BPI: variants seen among roughly 807,000 people sequenced by gnomAD.
The protein encoded by BPI is bactericidal permeability increasing protein, also known as bactericidal permeability-increasing protein.
Under a neutral mutation model 57.6 loss-of-function variants are expected in BPI, and 48 were observed. The observed-to-expected ratio is 0.83, with a 90% CI of 0.66 to 1.06. The LOEUF is 1.06. Ranked by LOEUF, BPI falls within the 50% of genes least tolerant of loss-of-function variation. The probability of loss-of-function intolerance (pLI) is 0.00; values close to 1 mark genes in which losing one functional copy is unlikely to be tolerated. For synonymous variants in BPI, 237 were observed against 238.2 expected, an observed-to-expected ratio of 0.99 and a Z score of 0.05; for missense variants, 651 against 609.7, an observed-to-expected ratio of 1.07 and a Z score of -0.71.
At chr20:38,318,252 C>T (rs1304490779) in intron 5 of BPI, among the ~76,000 whole-genome samples, 161 bp from the exon 6 acceptor site, 1 of 152,160 alleles carries the variant, frequency 6.6e-6, no homozygotes, top group East Asian at 1.9e-4. Flanking sequence ...ACATGTTCAA[C>T]TCTGAGCTTC....
intron 5 of BPI, among the ~76,000 whole-genome samples, chr20:38,315,835 C>CTTTTTT (rs374398594): frequency 1.5e-5 from 2 of 132,248 alleles, no homozygotes; most frequent in African/African-American, 5.6e-5. Context: ...CTTTTCTTTT[C>CTTTTTT]TTTTTTTTTT....
chr20:38,323,525 T>C (rs988109172), intron 7 of BPI, among the ~76,000 whole-genome samples: 2 of 152,160 alleles, frequency 1.3e-5, no homozygotes, highest in Non-Finnish European at 2.9e-5. Context: ...GTTGAGACAA[T>C]GGAGTGGTTA....
At chr20:38,325,093 A>T (rs5743521) in intron 9 of BPI, among the ~76,000 whole-genome samples, 6,139 of 152,282 alleles carry the variant, frequency 0.04, 372 homozygotes, top group African/African-American at 0.14. Context: ...AATGCCCACC[A>T]TGTGCCTGGG....
At position 38,335,600 on chromosome 20, in the gene BPI, A is replaced by G. The variant is rs5743542; in HGVS notation, c.1339A>G (p.Lys447Glu). 3.2e-4 allele frequency: 518 copies of G among 1,613,944 alleles called. No individual in the cohort carries two copies. The African/African-American group carries it at 5.9e-3, about 18-fold the overall frequency. The change falls in exon 14 of 15, where the codon AAA (lysine) becomes GAA (glutamate). Residue 447 changes from lysine (K) to glutamate (E), a missense_variant and splice_region_variant. Transcript: ENST00000642449. Reference protein sequence around the residue: ...PILVLPRVNEKLQKGFPLPTP... With the variant: ...PILVLPRVNEELQKGFPLPTP... The stretch of plus-strand genomic sequence containing the variant: ...CTCACCATCGGTCTCTGTCACAGAG[A>G]AACTACAGAAAGGCTTCCCTCTCCC...
At chr20:38,318,067 C>A in intron 5 of BPI, 1 of 979,832 alleles carries the variant, frequency 1.0e-6, no homozygotes, top group Non-Finnish European at 1.2e-6. Flanking sequence ...CACAAAGGAT[C>A]TGAGACAGCA....
intron 12 of BPI, 59 bp from the exon 13 acceptor site, chr20:38,334,371 T>C: frequency 1.3e-6 from 2 of 1,513,192 alleles, no homozygotes; most frequent in South Asian, 2.2e-5. Context: ...TGAGGACTGC[T>C]GGACCCGCAA....
chr20:38,322,127 G>A lies in BPI; in HGVS notation c.757-1743G>A, dbSNP rs528203193. On this transcript the variant is annotated intron_variant, in intron 7 of 14. Coordinates refer to ENST00000642449, the MANE Select transcript of BPI (RefSeq NM_001725.3). Reference sequence around the variant, plus strand: ...TTTACTGGCTGCTTGGATTTTCAGCGGACAGCTTGTGGTAATGTACGAGGA... The same window carrying A: ...TTTACTGGCTGCTTGGATTTTCAGCAGACAGCTTGTGGTAATGTACGAGGA... Among the ~76,000 whole-genome samples the A allele has an allele frequency of 6.6e-4, 101 of 152,272 alleles. 1 individual carries two copies. The highest frequency in any genetic ancestry group is 6.3e-3 in the Admixed American group (96 of 15,298).
intron 14 of BPI, among the ~76,000 whole-genome samples, chr20:38,336,644 G>A (rs1434891779): frequency 1.3e-5 from 2 of 152,094 alleles, no homozygotes; most frequent in African/African-American, 2.4e-5. Flanking sequence ...AGACCAGGGA[G>A]CTAATTAATG....
intron 5 of BPI, among the ~76,000 whole-genome samples, chr20:38,314,997 A>T (rs2076645412): frequency 6.6e-6 from 1 of 151,198 alleles, no homozygotes; most frequent in Non-Finnish European, 1.5e-5. Context: ...GGTGATAGCG[A>T]GGTTGATGGT....
chr20:38,331,374 G>A (rs372478130), intron 12 of BPI, among the ~76,000 whole-genome samples: 5 of 152,190 alleles, frequency 3.3e-5, no homozygotes, highest in South Asian at 2.1e-4. Context: ...GATTAAACAT[G>A]CACAATCTGG....
chr20:38,321,141 G>GTGGGTGGA (rs1555839203), intron 7 of BPI, among the ~76,000 whole-genome samples: 2 of 79,824 alleles, frequency 2.5e-5, no homozygotes, highest in African/African-American at 5.9e-5. Flanking sequence ...GGGTGTATTG[G>GTGGGTGGA]TGGATGGATG....
Position 38,308,989 on chromosome 20 carries a change from GC to G in BPI, c.307del (p.Lys104SerfsTer22), listed in dbSNP as rs1423888025. The G allele has an allele frequency of 1.2e-6, 2 of 1,614,190 alleles. No individual in the cohort carries two copies. Among genetic ancestry groups the G allele is most frequent in the Non-Finnish European group, 1.7e-6 (2 of 1,180,042 alleles). On this transcript the variant is annotated frameshift_variant, in exon 3 of 15. Transcript: ENST00000642449. LOFTEE classifies it high-confidence loss of function. ...SSQISMVPNV[G>X]LKFSISNANI... ...CAGATAAGCATGGTGCCCAATGTGG[GC>G]CTTAAGTTCTCCATCAGCAACGCCA... is the stretch of plus-strand genomic sequence containing the variant.
rs2076662707 is a variant in BPI at position 38,318,334 on chromosome 20, G to T, written c.601-79G>T. 9.2e-6 allele frequency: 13 copies of T among 1,420,182 alleles called. No homozygotes were observed. The South Asian group carries it at 1.4e-4, about 15-fold the overall frequency. The allele number at this position is 1,420,182 out of a possible 1,614,324, so 88.0% of individuals were successfully genotyped here. On this transcript the variant is annotated intron_variant, in intron 5 of 14. Transcript: ENST00000642449. ...CAAGAAAACATTCAAGGAAAGCAAG[G>T]CATATCTGGCCCGTTATTGTCAAGG...
At chr20:38,335,714 T>G in intron 14 of BPI, 40 bp downstream of exon 14, 1 of 1,587,592 alleles carries the variant, frequency 6.3e-7, no homozygotes, top group Non-Finnish European at 8.7e-7. Context: ...CCCCTAACGA[T>G]AGTGACCAAC....
chr20:38,321,310 G>C (rs1411337481), intron 7 of BPI, among the ~76,000 whole-genome samples: 2 of 151,390 alleles, frequency 1.3e-5, no homozygotes, highest in East Asian at 3.9e-4. Flanking sequence ...TGGATGGATA[G>C]ATGGAGTTTT....
intron 5 of BPI, among the ~76,000 whole-genome samples, chr20:38,314,143 T>C (rs2076636954): frequency 1.8e-5 from 1 of 56,902 alleles, no homozygotes; most frequent in Non-Finnish European, 4.2e-5. Flanking sequence ...ATGATGGTGG[T>C]GGTGAGATTG....
At position 38,326,288 on chromosome 20, in the gene BPI, G is replaced by A. The variant is rs2076712747; in HGVS notation, c.1017G>A (p.Met339Ile). Residue 339 changes from methionine (M) to isoleucine (I), a missense_variant, in exon 10 of 15, where the codon ATG becomes ATA. Transcript: ENST00000642449. ...AGGTGGCCAAGAAGTTTCCCAACATGAAGATACAGATCCATGTCTCAGCCT... is the reference window on the plus strand; with the variant it reads ...AGGTGGCCAAGAAGTTTCCCAACATAAAGATACAGATCCATGTCTCAGCCT... ...LPEVAKKFPN[M>I]KIQIHVSAST... 6.2e-7 allele frequency: 1 copy of A among 1,613,402 alleles called. No individual in the cohort carries two copies.
chr20:38,333,372 G>A (rs2076751468), intron 12 of BPI, among the ~76,000 whole-genome samples: 1 of 152,198 alleles, frequency 6.6e-6, no homozygotes, highest in African/African-American at 2.4e-5. Flanking sequence ...TTTACAAATT[G>A]TAAATGTCAC....
intron 6 of BPI, among the ~76,000 whole-genome samples, chr20:38,318,798 T>A (rs2076666392): frequency 6.6e-6 from 1 of 152,138 alleles, no homozygotes; most frequent in Non-Finnish European, 1.5e-5. Flanking sequence ...TCTTTTTGGA[T>A]CTCAGTTTCC....
Sources: allele counts gnomAD v4.1 joint callset (sites outside exome capture counted in the v4.1 genomes callset), GRCh38; gene constraint gnomAD v4.1.1; transcripts MANE v1.5; gene names NCBI Gene and HGNC (gene_info 2026-07-23, HGNC 2026-07-21).